The following ST6GALNAC3 variants were observed in gnomAD, a reference collection of about 807,000 sequenced individuals.
ST6GALNAC3 encodes ST6 N-acetylgalactosaminide alpha-2,6-sialyltransferase 3, also known as alpha-N-acetylgalactosaminide alpha-2,6-sialyltransferase 3.
A neutral mutation model predicts 32.7 loss-of-function variants in ST6GALNAC3; 25 were observed. The ratio of observed to expected loss-of-function variants is 0.76; its 90% CI spans 0.56 to 1.07. ST6GALNAC3 has a LOEUF of 1.07. Among genes scored for constraint, ST6GALNAC3 ranks in the 50% least tolerant of loss-of-function variants. The probability of loss-of-function intolerance (pLI) is 0.00; values close to 1 mark genes in which losing one functional copy is unlikely to be tolerated. For missense variants in ST6GALNAC3, 355 were observed against 382.4 expected (o/e 0.93, Z 0.60); for synonymous variants, 129 against 133.1 (o/e 0.97, Z 0.21).
chr1:76,113,501 CT>C (rs35035784), intron 1 of ST6GALNAC3, among the ~76,000 whole-genome samples: 17 of 151,010 alleles, frequency 1.1e-4, no homozygotes, highest in African/African-American at 4.1e-4. Context: ...TTCTTACATA[CT>C]TTTTTTTGGT....
At chr1:76,372,320 T>C (rs918850049) in intron 2 of ST6GALNAC3, among the ~76,000 whole-genome samples, 1 of 152,092 alleles carries the variant, frequency 6.6e-6, no homozygotes, top group Non-Finnish European at 1.5e-5. Context: ...ATAATGTATG[T>C]ATTTATGGGG....
intron 1 of ST6GALNAC3, among the ~76,000 whole-genome samples, chr1:76,311,433 C>T (rs2100886351): frequency 6.6e-6 from 1 of 152,192 alleles, no homozygotes; most frequent in African/African-American, 2.4e-5. Context: ...CTCTCCTAGC[C>T]CCCCATTCCC....
intron 2 of ST6GALNAC3, among the ~76,000 whole-genome samples, chr1:76,329,635 G>A (rs1471730570): frequency 5.3e-5 from 8 of 151,906 alleles, no homozygotes; most frequent in Non-Finnish European, 1.0e-4. Context: ...TAGCAGTCAC[G>A]GCTCTCTCTC....
rs899531644 is a variant in ST6GALNAC3 at position 76,276,249 on chromosome 1, C to A, written c.19-37556C>A. On this transcript the variant is annotated intron_variant, in intron 1 of 4. Coordinates refer to ENST00000328299, the MANE Select transcript of ST6GALNAC3 (RefSeq NM_152996.4). ...GAAAAATATAATGCGATTTCATAGC[C>A]CCCTTTTAAACTTCCTTAGCAATGC... Among the ~76,000 whole-genome samples, 10 of 151,614 alleles carry A rather than the reference C, an allele frequency of 6.6e-5. No homozygotes were observed. In the South Asian group the frequency reaches 8.4e-4, roughly 13 times the overall value.
intron 2 of ST6GALNAC3, among the ~76,000 whole-genome samples, chr1:76,385,946 C>G (rs1652062148): frequency 1.3e-5 from 2 of 152,016 alleles, no homozygotes; most frequent in African/African-American, 2.4e-5. Flanking sequence ...CCATAATCAG[C>G]TTAGTGTTCT....
rs1257358082 is a variant in ST6GALNAC3 at position 76,632,076 on chromosome 1, A to C, written c.*3270A>C. 6.6e-6 allele frequency: 1 copy of C among 152,114 alleles called. No homozygotes were observed. The highest frequency in any genetic ancestry group is 1.9e-4 in the East Asian group (1 of 5,194). The allele number at this position is 152,114 out of a possible 1,614,324, so 9.4% of individuals were successfully genotyped here. On this transcript the variant is annotated 3_prime_UTR_variant, in exon 5 of 5. Transcript: ENST00000328299. ...TGTGTGTGTGAACGCACATATATAT[A>C]CATCTATATACTTATAACTATATAT...
At chr1:76,437,074 G>C (rs183334680) in intron 3 of ST6GALNAC3, among the ~76,000 whole-genome samples, 9 of 152,168 alleles carry the variant, frequency 5.9e-5, no homozygotes, top group African/African-American at 2.2e-4. Flanking sequence ...CTCCTGTGTT[G>C]ACAATAGTAA....
At chr1:76,207,429 G>C (rs1570435306) in intron 1 of ST6GALNAC3, among the ~76,000 whole-genome samples, 1 of 152,218 alleles carries the variant, frequency 6.6e-6, no homozygotes, top group East Asian at 1.9e-4. Context: ...TTAGCTTTCT[G>C]TGGCTATAAC....
Position 76,426,811 on chromosome 1 carries a change from G to A in ST6GALNAC3, c.623+14394G>A, listed in dbSNP as rs868301868. Among the ~76,000 whole-genome samples the A allele has an allele frequency of 4.6e-5, 7 of 151,866 alleles. No homozygotes were observed. In the East Asian group the frequency reaches 9.7e-4, roughly 21 times the overall value. On this transcript the variant is annotated intron_variant, in intron 3 of 4. Transcript: ENST00000328299. Reference sequence around the variant, plus strand: ...TGTACTATGATGCTATGACAGTTACGACATCAGTTGGCTATAGGAATTTTT... The same window carrying A: ...TGTACTATGATGCTATGACAGTTACAACATCAGTTGGCTATAGGAATTTTT...
At chr1:76,343,924 C>A (rs1412580657) in intron 2 of ST6GALNAC3, among the ~76,000 whole-genome samples, 5 of 152,110 alleles carry the variant, frequency 3.3e-5, no homozygotes, top group Non-Finnish European at 7.3e-5. Flanking sequence ...AATATATATT[C>A]ATGTATTCAT....
intron 1 of ST6GALNAC3, among the ~76,000 whole-genome samples, chr1:76,271,252 G>A (rs1658828675): frequency 1.3e-5 from 2 of 152,186 alleles, no homozygotes; most frequent in South Asian, 2.1e-4. Flanking sequence ...GCTGTGGTAT[G>A]GGTGTAAAGT....
chr1:76,210,663 C>T (rs1426962682), intron 1 of ST6GALNAC3, among the ~76,000 whole-genome samples: 1 of 152,186 alleles, frequency 6.6e-6, no homozygotes, highest in Non-Finnish European at 1.5e-5. Context: ...AGGCCTCTCT[C>T]CTTGGCTTGC....
intron 1 of ST6GALNAC3, among the ~76,000 whole-genome samples, chr1:76,127,664 G>A (rs923999838): frequency 4.6e-5 from 7 of 152,112 alleles, no homozygotes; most frequent in Non-Finnish European, 8.8e-5. Flanking sequence ...TAGTAGCATC[G>A]AATGTTGGAA....
chr1:76,449,678 T>A (rs1476417447), intron 3 of ST6GALNAC3, among the ~76,000 whole-genome samples: 1 of 152,256 alleles, frequency 6.6e-6, no homozygotes, highest in Non-Finnish European at 1.5e-5. Flanking sequence ...TAGAACATCT[T>A]TTCATATGCT....
At chr1:76,107,985 A>G (rs1647655707) in intron 1 of ST6GALNAC3, among the ~76,000 whole-genome samples, 1 of 152,194 alleles carries the variant, frequency 6.6e-6, no homozygotes, top group Admixed American at 6.5e-5. Context: ...ATTAGGGAAA[A>G]GAGCTGCGAT....
At chr1:76,124,364 G>A (rs1649095549) in intron 1 of ST6GALNAC3, among the ~76,000 whole-genome samples, 1 of 152,198 alleles carries the variant, frequency 6.6e-6, no homozygotes, top group African/African-American at 2.4e-5. Context: ...AAAAGGTTTT[G>A]AAAAGTTCCA....
chr1:76,216,898 A>G (rs1016967905), intron 1 of ST6GALNAC3, among the ~76,000 whole-genome samples: 3 of 152,216 alleles, frequency 2.0e-5, no homozygotes, highest in Admixed American at 6.5e-5. Context: ...TTCCTGCTAC[A>G]TAAATTACAA....
intron 3 of ST6GALNAC3, among the ~76,000 whole-genome samples, chr1:76,461,033 T>C (rs966713115): frequency 6.6e-6 from 1 of 152,220 alleles, no homozygotes; most frequent in Non-Finnish European, 1.5e-5. Flanking sequence ...TTCATTTGAA[T>C]GGCCTATTTA....
chr1:76,382,605 A>T (rs1050127441), intron 2 of ST6GALNAC3, among the ~76,000 whole-genome samples: 2 of 152,214 alleles, frequency 1.3e-5, no homozygotes, highest in Non-Finnish European at 2.9e-5. Flanking sequence ...TTCTCAAAGT[A>T]TGGTCCTGAG....
Sources: allele counts gnomAD v4.1 joint callset (sites outside exome capture counted in the v4.1 genomes callset), GRCh38; gene constraint gnomAD v4.1.1; transcripts MANE v1.5; gene names NCBI Gene and HGNC (gene_info 2026-07-23, HGNC 2026-07-21).